NRG1: variants seen among roughly 807,000 people sequenced by gnomAD.
The protein encoded by NRG1 is neuregulin 1.
Under a neutral mutation model 63.8 loss-of-function variants are expected in NRG1, and 18 were observed. The ratio of observed to expected loss-of-function variants is 0.28; its 90% confidence interval spans 0.19 to 0.42. The LOEUF (loss-of-function observed/expected upper bound fraction) is 0.42, where lower values mean the gene tolerates loss of function less well. NRG1 is among the 10% of genes least tolerant of loss of function. The pLI is 1.00. For synonymous variants in NRG1, 302 were observed against 301.3 expected, an observed-to-expected ratio of 1.00 and a Z score of -0.02; for missense variants, 762 against 814.7, an observed-to-expected ratio of 0.94 and a Z score of 0.79.
intron 5 of NRG1, chr8:32,646,733 G>A: frequency 1.0e-6 from 1 of 985,376 alleles, no homozygotes; most frequent in Non-Finnish European, 1.2e-6. Flanking sequence ...TGGGGACTAG[G>A]CTTAACTGAT....
At chr8:32,018,511 A>G (rs1435990288) in intron 1 of NRG1, among the ~76,000 whole-genome samples, 1 of 152,240 alleles carries the variant, frequency 6.6e-6, no homozygotes, top group Non-Finnish European at 1.5e-5. Context: ...TGAGCCAAAA[A>G]TAGATTGTTG....
rs147972091 is a variant in NRG1 at position 32,087,563 on chromosome 8, C to T, written c.37+448132C>T. On this transcript the variant is annotated intron_variant, in intron 1 of 10. Coordinates refer to the NRG1 transcript ENST00000519301. ...GTGGCTCACTGCAACCTTCGCCTCCCGGGTTCAAGCAATTCTTCTGCCTCT... is the reference window on the plus strand; with the variant it reads ...GTGGCTCACTGCAACCTTCGCCTCCTGGGTTCAAGCAATTCTTCTGCCTCT... Among the ~76,000 whole-genome samples the T allele has an allele frequency of 3.3e-3, 469 of 141,076 alleles. 5 individuals carry two copies. The highest frequency in any genetic ancestry group is 5.8e-3 in the Non-Finnish European group (388 of 66,484). The allele number at this position is 141,076 out of a possible 152,430, so 92.6% of individuals were successfully genotyped here. A position where few individuals can be genotyped will look rare whatever the true frequency, so the allele number is the denominator to read the frequency against.
intron 1 of NRG1, among the ~76,000 whole-genome samples, chr8:32,251,010 A>G (rs1849039407): frequency 6.6e-6 from 1 of 152,076 alleles, no homozygotes; most frequent in South Asian, 2.1e-4. Context: ...AGGCAAAGTT[A>G]CTGCTTAGTT....
chr8:31,921,919 TTA>T, intron 1 of NRG1, among the ~76,000 whole-genome samples: 2 of 152,150 alleles, frequency 1.3e-5, no homozygotes, highest in Admixed American at 1.3e-4. Flanking sequence ...TTTTCTTAAT[TTA>T]AAAAATTTTT....
chr8:31,788,908 T>C (rs1036723544), intron 1 of NRG1, among the ~76,000 whole-genome samples: 1 of 152,186 alleles, frequency 6.6e-6, no homozygotes, highest in Non-Finnish European at 1.5e-5. Context: ...ACAATAAATA[T>C]GTGGAGGAGA....
intron 1 of NRG1, among the ~76,000 whole-genome samples, chr8:32,110,585 G>A (rs1021696268): frequency 1.3e-5 from 2 of 152,098 alleles, no homozygotes; most frequent in Non-Finnish European, 2.9e-5. Context: ...GAACAAGGCC[G>A]TGCTCTTCTT....
At chr8:32,660,052 T>G (rs1337644579) in intron 5 of NRG1, among the ~76,000 whole-genome samples, 1 of 152,318 alleles carries the variant, frequency 6.6e-6, no homozygotes, top group Non-Finnish European at 1.5e-5. Flanking sequence ...GAGTTATAGC[T>G]AACTCATTTT....
At chr8:32,616,542 T>C (rs1447163639) in intron 4 of NRG1, among the ~76,000 whole-genome samples, 1 of 152,170 alleles carries the variant, frequency 6.6e-6, no homozygotes, top group Non-Finnish European at 1.5e-5. Context: ...GTGGTGTGTA[T>C]CTCCTCAGAG....
intron 1 of NRG1, among the ~76,000 whole-genome samples, chr8:31,659,617 C>T (rs1275277450): frequency 6.6e-6 from 1 of 152,098 alleles, no homozygotes; most frequent in Non-Finnish European, 1.5e-5. Flanking sequence ...GGGAACTTTC[C>T]AGCACACCCA....
Position 32,294,461 on chromosome 8 carries a change from G to A in NRG1, c.38-301367G>A, listed in dbSNP as rs188056037. The stretch of plus-strand genomic sequence containing the variant: ...GGTCCTAAAATTTTAATTTATCCAC[G>A]CCTACCTTGTCCATTACTGTTTTAA... On this transcript the variant is annotated intron_variant, in intron 1 of 10. Transcript: ENST00000519301. Among the ~76,000 whole-genome samples, 58 of 152,096 alleles carry A rather than the reference G, an allele frequency of 3.8e-4. 2 individuals are homozygous for A. Among genetic ancestry groups the A allele is most frequent in the Admixed American group, 3.5e-3 (54 of 15,278 alleles).
intron 5 of NRG1, among the ~76,000 whole-genome samples, chr8:32,620,688 G>T (rs1221844085): frequency 6.6e-6 from 1 of 151,972 alleles, no homozygotes; most frequent in South Asian, 2.1e-4. Context: ...GCCAGGCTTG[G>T]TGGCAGCCCT....
chr8:32,499,742 G>A (rs1827636496), intron 1 of NRG1, among the ~76,000 whole-genome samples: 1 of 152,100 alleles, frequency 6.6e-6, no homozygotes, highest in African/African-American at 2.4e-5. Context: ...GGATAACAGG[G>A]GCAGTCTCAG....
intron 1 of NRG1, among the ~76,000 whole-genome samples, chr8:31,734,489 G>A (rs4521723): frequency 0.22 from 32,701 of 152,052 alleles, 3,957 homozygotes; most frequent in Middle Eastern, 0.27. Flanking sequence ...TTATCATGTT[G>A]TCTTCTAAAG....
chr8:32,581,205 C>G (rs4302803), intron 1 of NRG1, among the ~76,000 whole-genome samples: 42,816 of 151,948 alleles, frequency 0.28, 6,141 homozygotes, highest in South Asian at 0.36. Context: ...TTTGTTGAAT[C>G]AATGGGTACT....
intron 1 of NRG1, among the ~76,000 whole-genome samples, chr8:31,702,801 G>A (rs1427150040): frequency 6.6e-6 from 1 of 151,896 alleles, no homozygotes; most frequent in African/African-American, 2.4e-5. Context: ...CCATGATTCT[G>A]CAACAGCTAT....
intron 6 of NRG1, chr8:32,728,763 A>G: frequency 1.5e-6 from 1 of 673,060 alleles, no homozygotes; most frequent in Non-Finnish European, 1.8e-6. Context: ...TTGATGCACC[A>G]TTAAGAAGTA....
At chr8:32,587,275 T>C (rs1199389001) in intron 1 of NRG1, among the ~76,000 whole-genome samples, 1 of 151,470 alleles carries the variant, frequency 6.6e-6, no homozygotes, top group African/African-American at 2.4e-5. Context: ...ACAAGAACCG[T>C]CTGACCACTC....
Position 32,116,672 on chromosome 8 carries a change from T to G in NRG1, c.37+477241T>G, listed in dbSNP as rs1480808208. Among the ~76,000 whole-genome samples the G allele has an allele frequency of 2.0e-5, 3 of 152,152 alleles. No homozygotes were observed. In the East Asian group the frequency reaches 5.8e-4, roughly 29 times the overall value. Reference sequence around the variant, plus strand: ...GGCTCATAAAAACATAAACTCATCTTACAATGTTAAGTAAGGATCTTTTAA... The same window carrying G: ...GGCTCATAAAAACATAAACTCATCTGACAATGTTAAGTAAGGATCTTTTAA... On this transcript the variant is annotated intron_variant, in intron 1 of 10. Transcript: ENST00000519301.
intron 5 of NRG1, among the ~76,000 whole-genome samples, chr8:32,719,758 T>C (rs1820155111): frequency 6.6e-6 from 1 of 152,114 alleles, no homozygotes; most frequent in South Asian, 2.1e-4. Context: ...GTCTCTTTTT[T>C]CTACGTTTAA....
Sources: gnomAD v4.1 joint callset for allele counts (sites outside exome capture counted in the v4.1 genomes callset) on GRCh38, gnomAD v4.1.1 for gene constraint, MANE v1.5 for transcripts, NCBI Gene and HGNC (gene_info 2026-07-23, HGNC 2026-07-21) for gene names.